The following RSPO2 variants were observed in gnomAD, a reference collection of about 807,000 sequenced individuals.
RSPO2 encodes the protein R-spondin 2, also known as R-spondin-2.
RSPO2 carries 14 observed loss-of-function variants against 30.9 expected under a neutral mutation model. The observed-to-expected ratio is 0.45, with a 90% CI of 0.30 to 0.71. The LOEUF (loss-of-function observed/expected upper bound fraction) is 0.71. Ranked by LOEUF, RSPO2 falls within the 30% of genes least tolerant of loss-of-function variation. RSPO2 has a pLI of 0.08. For synonymous variants in RSPO2, 107 were observed against 96.4 expected (o/e 1.11, Z -0.64); for missense variants, 264 against 301.9 (o/e 0.87, Z 0.93).
intron 2 of RSPO2, among the ~76,000 whole-genome samples, chr8:108,071,367 T>G (rs1325361468): frequency 6.6e-6 from 1 of 152,196 alleles, no homozygotes; most frequent in African/African-American, 2.4e-5. Flanking sequence ...CCAGGAGTGG[T>G]GCAAATGGCT....
intron 2 of RSPO2, among the ~76,000 whole-genome samples, chr8:108,067,100 A>G (rs1293048615): frequency 6.6e-6 from 1 of 152,220 alleles, no homozygotes; most frequent in African/African-American, 2.4e-5. Flanking sequence ...CAGAAAATTG[A>G]CTTTTCTTTT....
chr8:108,020,348 A>T (rs1811020886), intron 2 of RSPO2, among the ~76,000 whole-genome samples: 1 of 152,142 alleles, frequency 6.6e-6, no homozygotes, highest in Non-Finnish European at 1.5e-5. Context: ...TCTCACATCC[A>T]TCTAATTCAT....
At chr8:107,930,681 A>G (rs1290818448) in intron 5 of RSPO2, among the ~76,000 whole-genome samples, 1 of 152,200 alleles carries the variant, frequency 6.6e-6, no homozygotes, top group Non-Finnish European at 1.5e-5. Flanking sequence ...TAAATCAATC[A>G]TCTAACTCAT....
intron 3 of RSPO2, among the ~76,000 whole-genome samples, chr8:107,984,429 C>A (rs368239677): frequency 6.6e-6 from 1 of 151,964 alleles, no homozygotes; most frequent in Non-Finnish European, 1.5e-5. Context: ...TTTGTTAATG[C>A]ACATTTTGTT....
intron 5 of RSPO2, among the ~76,000 whole-genome samples, chr8:107,910,692 C>T (rs1467272341): frequency 6.6e-6 from 1 of 152,108 alleles, no homozygotes; most frequent in Non-Finnish European, 1.5e-5. Flanking sequence ...CTTTGAACCT[C>T]CCTCATTGTA....
intron 5 of RSPO2, among the ~76,000 whole-genome samples, chr8:107,909,035 C>A (rs1485673900): frequency 6.6e-6 from 1 of 152,142 alleles, no homozygotes; most frequent in African/African-American, 2.4e-5. Context: ...GGCCTTCCAG[C>A]ACCACAATGA....
chr8:107,906,082 A>G (rs771736662), intron 5 of RSPO2, among the ~76,000 whole-genome samples: 1 of 152,000 alleles, frequency 6.6e-6, no homozygotes, highest in Non-Finnish European at 1.5e-5. Context: ...GGATGCATTG[A>G]GAATATAAAA....
At chr8:107,949,277 T>C (rs1210837726) in intron 5 of RSPO2, among the ~76,000 whole-genome samples, 1 of 152,214 alleles carries the variant, frequency 6.6e-6, no homozygotes, top group African/African-American at 2.4e-5. Flanking sequence ...GTTTCTGAGT[T>C]ACTTCACTTG....
chr8:107,984,859 T>C (rs1416867064), intron 3 of RSPO2, among the ~76,000 whole-genome samples: 1 of 152,200 alleles, frequency 6.6e-6, no homozygotes, highest in Non-Finnish European at 1.5e-5. Flanking sequence ...CAGTAGTGAA[T>C]GGGAAGTTAG....
chr8:107,989,993 C>G (rs539586920), intron 2 of RSPO2, among the ~76,000 whole-genome samples: 1 of 152,188 alleles, frequency 6.6e-6, no homozygotes, highest in East Asian at 1.9e-4. Context: ...AAGAAAACTT[C>G]ACACCTAAAA....
chr8:108,040,444 G>GA (rs975885600), intron 2 of RSPO2, among the ~76,000 whole-genome samples: 1 of 152,068 alleles, frequency 6.6e-6, no homozygotes, highest in African/African-American at 2.4e-5. Flanking sequence ...GGTACAGGGG[G>GA]AAAAAACCCA....
chr8:107,971,751 C>T (rs1168533648), intron 3 of RSPO2, among the ~76,000 whole-genome samples: 6 of 152,192 alleles, frequency 3.9e-5, no homozygotes, highest in Non-Finnish European at 7.3e-5. Context: ...CATTTCCCTA[C>T]TTTAAAATGC....
Position 108,029,054 on chromosome 8 carries a change from C to CTTTTTT in RSPO2, c.95-39816_95-39811dup, listed in dbSNP as rs71308771. Among the ~76,000 whole-genome samples, 169 of 26,198 alleles carry CTTTTTT rather than the reference C, an allele frequency of 6.5e-3. 75 individuals carry two copies. The highest frequency in any genetic ancestry group is 0.015 in the South Asian group (5 of 342). The allele number at this position is 26,198 out of a possible 152,430, so 17.2% of individuals were successfully genotyped here. A position where few individuals can be genotyped will look rare whatever the true frequency, so the allele number is the denominator to read the frequency against. On this transcript the variant is annotated intron_variant, in intron 2 of 5. Coordinates refer to ENST00000276659, the MANE Select transcript of RSPO2 (RefSeq NM_178565.5). Reference sequence around the variant, plus strand: ...AACTTGGGTAACTGTTAACATGAGTCTTTTTTTTTTTTTTTTTTTTTTTTT... The same window carrying CTTTTTT: ...AACTTGGGTAACTGTTAACATGAGTCTTTTTTTTTTTTTTTTTTTTTTTTTTTTTTT...
intron 2 of RSPO2, among the ~76,000 whole-genome samples, chr8:108,023,597 A>T (rs1172165811): frequency 6.6e-6 from 1 of 152,222 alleles, no homozygotes; most frequent in Non-Finnish European, 1.5e-5. Context: ...GTTGAACAGA[A>T]AAGTGGGGTT....
At chr8:108,010,925 A>G (rs960655809) in intron 2 of RSPO2, among the ~76,000 whole-genome samples, 6 of 152,256 alleles carry the variant, frequency 3.9e-5, no homozygotes, top group Non-Finnish European at 5.9e-5. Flanking sequence ...TGTAGAATGT[A>G]AAGTGCCAGC....
Position 107,902,942 on chromosome 8 carries a change from G to A in RSPO2, c.617-1752C>T, listed in dbSNP as rs191097915. ...TGGCAGTTTGCCATCTTGAAACGTA[G>A]TTAATCCTACCCCATGAAACCTTAG... On this transcript the variant is annotated intron_variant, in intron 5 of 5. Coordinates refer to ENST00000276659, the MANE Select transcript of RSPO2 (RefSeq NM_178565.5). 3.0e-3 allele frequency among the ~76,000 whole-genome samples: 456 copies of A among 152,100 alleles called. 19 individuals carry two copies. The South Asian group carries it at 0.086, about 29-fold the overall frequency.
intron 5 of RSPO2, among the ~76,000 whole-genome samples, chr8:107,955,563 A>G (rs1563537683): frequency 6.6e-6 from 1 of 151,894 alleles, no homozygotes; most frequent in African/African-American, 2.4e-5. Flanking sequence ...ATATTATTTG[A>G]TTTTTTTTAA....
chr8:107,937,614 G>GGAA (rs1812761095), intron 5 of RSPO2, among the ~76,000 whole-genome samples: 1 of 61,820 alleles, frequency 1.6e-5, no homozygotes, highest in Non-Finnish European at 4.4e-5. Context: ...ATCATTTGAA[G>GGAA]GAAAAAAAAA....
rs184265096 is a variant in RSPO2 at position 107,908,463 on chromosome 8, A to G, written c.617-7273T>C. Reference sequence around the variant, plus strand: ...AAGGACAAAGTTTTCAGAGCAGTAGAAACAGTAAAATACGACTCTACTATT... The same window carrying G: ...AAGGACAAAGTTTTCAGAGCAGTAGGAACAGTAAAATACGACTCTACTATT... On this transcript the variant is annotated intron_variant, in intron 5 of 5. Transcript: ENST00000276659. 3.4e-3 allele frequency among the ~76,000 whole-genome samples: 512 copies of G among 152,330 alleles called. 5 individuals carry two copies. The South Asian group carries it at 0.045, about 13-fold the overall frequency.
Sources: gnomAD v4.1 joint callset for allele counts (sites outside exome capture counted in the v4.1 genomes callset) on GRCh38, gnomAD v4.1.1 for gene constraint, MANE v1.5 for transcripts, NCBI Gene and HGNC (gene_info 2026-07-23, HGNC 2026-07-21) for gene names.